The following ABCA10 variants were observed in gnomAD, a reference collection of about 807,000 sequenced individuals.
The protein encoded by ABCA10 is ATP-binding cassette sub-family A member 10.
ABCA10 carries 169 observed loss-of-function variants against 187.5 expected under a neutral mutation model. That is an observed-to-expected ratio of 0.90 (90% confidence interval 0.80 to 1.02). ABCA10 has a LOEUF of 1.02. ABCA10 is among the 50% of genes least tolerant of loss of function. The probability of loss-of-function intolerance (pLI) is 0.00; values close to 1 mark genes in which losing one functional copy is unlikely to be tolerated. For synonymous variants in ABCA10, 574 were observed against 601.8 expected, an observed-to-expected ratio of 0.95 and a Z score of 0.68; for missense variants, 1,727 against 1,812.4, an observed-to-expected ratio of 0.95 and a Z score of 0.86.
chr17:69,178,169 C>T (rs777749459), intron 22 of ABCA10, among the ~76,000 whole-genome samples: 10 of 151,098 alleles, frequency 6.6e-5, no homozygotes, highest in Admixed American at 1.3e-4. Flanking sequence ...ACAGATGACA[C>T]GTAGCTTAGT....
intron 9 of ABCA10, among the ~76,000 whole-genome samples, chr17:69,209,604 A>G (rs1386735299): frequency 1.3e-5 from 2 of 152,248 alleles, no homozygotes; most frequent in Non-Finnish European, 2.9e-5. Context: ...TTTGAAAATA[A>G]CAGTAATAGT....
At chr17:69,193,321 A>T in intron 14 of ABCA10, 73 bp from the exon 15 acceptor site, 1 of 1,569,260 alleles carries the variant, frequency 6.4e-7, no homozygotes, top group Non-Finnish European at 8.6e-7. Context: ...CATGAAAACA[A>T]GTATGATTTC....
rs369537138 is a variant in ABCA10 at position 69,193,628 on chromosome 17, C to T, written c.1522-16G>A. 2.1e-5 allele frequency: 33 copies of T among 1,590,734 alleles called. No homozygotes were observed. The highest frequency in any genetic ancestry group is 4.5e-5 in the East Asian group (2 of 44,476). ...TTCTTTTTACCTATCAAAGAAAACT[C>T]TGTGTTAACAATATCAAATATTTTA... On this transcript the variant is annotated splice_polypyrimidine_tract_variant and intron_variant, in intron 13 of 38. Transcript: ENST00000690296.
At chr17:69,161,859 G>A (rs1277387359) in intron 27 of ABCA10, among the ~76,000 whole-genome samples, 1 of 152,212 alleles carries the variant, frequency 6.6e-6, no homozygotes, top group Non-Finnish European at 1.5e-5. Context: ...AAAAGTTTAT[G>A]AGGGCAATGG....
chr17:69,192,630 C>T lies in ABCA10; in HGVS notation c.1804G>A (p.Gly602Arg). The T allele has an allele frequency of 6.2e-7, 1 of 1,613,308 alleles. No individual in the cohort carries two copies. The highest frequency in any genetic ancestry group is 1.3e-5 in the African/African-American group (1 of 75,016). Residue 602 changes from glycine to arginine, a missense_variant, in exon 16 of 39, where the codon GGG becomes AGG. By Grantham distance (125) the Gly-to-Arg change is moderately radical (BLOSUM62 -2). Transcript: ENST00000690296. Reference protein sequence around the residue: ...LADRKVFLSNGKLKCAGSSLF... With the variant: ...LADRKVFLSNRKLKCAGSSLF... Reference sequence around the variant, plus strand: ...GATGATCCTGCACATTTCAACTTCCCATTAGACAGAAATACTTTCCTATCT... The same window carrying T: ...GATGATCCTGCACATTTCAACTTCCTATTAGACAGAAATACTTTCCTATCT...
upstream of ABCA10, among the ~76,000 whole-genome samples, chr17:69,232,711 A>T (rs2144861147): frequency 1.3e-5 from 2 of 152,048 alleles, no homozygotes; most frequent in East Asian, 3.9e-4. Context: ...TTAGATTAGA[A>T]CTCCCTTCAG....
Position 69,154,334 on chromosome 17 carries a change from A to ACCTGG in ABCA10, c.3695-9_3695-8insCCAGG. ...GTAATCCCAAAACTTCACCTGGAAGAAAGAGTCACCATCAATATTTGAATT... is the reference window on the plus strand; with the variant it reads ...GTAATCCCAAAACTTCACCTGGAAGACCTGGAAGAGTCACCATCAATATTTGAATT... On this transcript the variant is annotated splice_polypyrimidine_tract_variant and intron_variant, in intron 30 of 38. Coordinates refer to ENST00000690296, the MANE Select transcript of ABCA10 (RefSeq NM_001377321.1). 1.3e-6 allele frequency: 2 copies of ACCTGG among 1,566,184 alleles called. No individual in the cohort carries two copies. The highest frequency in any genetic ancestry group is 1.7e-6 in the Non-Finnish European group (2 of 1,160,722).
chr17:69,216,875 G>A (rs1020115159), intron 6 of ABCA10, among the ~76,000 whole-genome samples: 3 of 151,978 alleles, frequency 2.0e-5, no homozygotes, highest in African/African-American at 7.2e-5. Flanking sequence ...GTATGGCTAT[G>A]GACATTAGAC....
chr17:69,200,068 C>T (rs973665174), intron 10 of ABCA10, among the ~76,000 whole-genome samples: 7 of 152,182 alleles, frequency 4.6e-5, no homozygotes, highest in African/African-American at 1.7e-4. Flanking sequence ...TTGTCTCCTT[C>T]CTCATTTCCC....
chr17:69,182,498 C>T (rs193246699), intron 21 of ABCA10, among the ~76,000 whole-genome samples, 177 bp downstream of exon 21: 12 of 151,932 alleles, frequency 7.9e-5, no homozygotes, highest in African/African-American at 2.9e-4. Context: ...TTAACATTTA[C>T]TAACATGAAA....
At chr17:69,237,654 C>A (rs1164395515) in intron 1 of ABCA10, among the ~76,000 whole-genome samples, 1 of 152,074 alleles carries the variant, frequency 6.6e-6, no homozygotes, top group Non-Finnish European at 1.5e-5. Flanking sequence ...CTGTAATTTC[C>A]CCAAAATTCA....
Position 69,215,665 on chromosome 17 carries a change from C to G in ABCA10, c.858+150G>C, listed in dbSNP as rs924075011. ...TGCTTTGTTTATCCATTTGATAAAA[C>G]TTTTTTGTTGTTCTTATTTAGTTTC... is the stretch of plus-strand genomic sequence containing the variant. On this transcript the variant is annotated intron_variant, in intron 8 of 38. Transcript: ENST00000690296. The G allele has an allele frequency of 4.0e-6, 3 of 746,674 alleles. No individual in the cohort carries two copies. The Admixed American group carries it at 1.3e-4, about 31-fold the overall frequency. 46.3% of individuals were successfully genotyped at this position (746,674 alleles called of 1,614,324 possible).
intron 22 of ABCA10, among the ~76,000 whole-genome samples, chr17:69,180,277 C>T (rs1160446850): frequency 6.6e-6 from 1 of 152,152 alleles, no homozygotes; most frequent in East Asian, 1.9e-4. Flanking sequence ...TCTACCCACT[C>T]ATTCATCCAT....
At chr17:69,200,780 C>T (rs1022325919) in intron 10 of ABCA10, among the ~76,000 whole-genome samples, 2 of 151,784 alleles carry the variant, frequency 1.3e-5, no homozygotes, top group Admixed American at 1.3e-4. Flanking sequence ...TGGCGCCATA[C>T]TGGCTCACTG....
At position 69,193,809 on chromosome 17, in the gene ABCA10, T is replaced by C; in HGVS notation, c.1521+5A>G. 6.2e-7 allele frequency: 1 copy of C among 1,612,772 alleles called. No homozygotes were observed. Among genetic ancestry groups the C allele is most frequent in the Non-Finnish European group, 8.5e-7 (1 of 1,179,556 alleles). Reference sequence around the variant, plus strand: ...AAAGCCATCAATCTTAATGTGTTCCTGTACCTCTTGTTCCACTTCCTTTGG... The same window carrying C: ...AAAGCCATCAATCTTAATGTGTTCCCGTACCTCTTGTTCCACTTCCTTTGG... On this transcript the variant is annotated splice_donor_5th_base_variant and intron_variant, in intron 13 of 38. Coordinates refer to ENST00000690296, the MANE Select transcript of ABCA10 (RefSeq NM_001377321.1).
At chr17:69,167,923 G>A (rs1028691359) in intron 25 of ABCA10, among the ~76,000 whole-genome samples, 18 of 152,024 alleles carry the variant, frequency 1.2e-4, no homozygotes, top group African/African-American at 3.9e-4. Context: ...TGTCTCTCCC[G>A]CCTCCCCTTC....
At chr17:69,182,381 T>C in intron 21 of ABCA10, 91 bp from the exon 22 acceptor site, 1 of 1,115,280 alleles carries the variant, frequency 9.0e-7, no homozygotes, top group Non-Finnish European at 1.2e-6. Context: ...GGAATTAGAA[T>C]GAGAAGGAGA....
rs766044788 is a variant in ABCA10, at chr17:69,174,263, G to A, written c.3162+18C>T. ...AAGGAAATTTAATATAAATGTGCAC[G>A]CATGTATATATACTTACAATAAAAA... On this transcript the variant is annotated intron_variant, in intron 25 of 38. Transcript: ENST00000690296. 2.2e-5 allele frequency: 33 copies of A among 1,487,434 alleles called. No homozygotes were observed. Among genetic ancestry groups the A allele is most frequent in the Admixed American group, 1.5e-4 (7 of 46,528 alleles). The allele number at this position is 1,487,434 out of a possible 1,614,324, so 92.1% of individuals were successfully genotyped here.
chr17:69,181,391 A>AT (rs1474621875), intron 22 of ABCA10, among the ~76,000 whole-genome samples: 2 of 151,950 alleles, frequency 1.3e-5, no homozygotes, highest in African/African-American at 4.8e-5. Context: ...CAGTCCTATG[A>AT]TTTTTTTCTC....
Sources: gnomAD v4.1 joint callset for allele counts (sites outside exome capture counted in the v4.1 genomes callset) on GRCh38, gnomAD v4.1.1 for gene constraint, MANE v1.5 for transcripts, NCBI Gene and HGNC (gene_info 2026-07-23, HGNC 2026-07-21) for gene names.